DLEC1: variants seen among roughly 807,000 people sequenced by gnomAD.
DLEC1 encodes deleted in lung and esophageal cancer protein 1.
A neutral mutation model predicts 198.1 loss-of-function variants in DLEC1; 146 were observed. That is an observed-to-expected ratio of 0.74 (90% CI 0.64 to 0.85). DLEC1 has a LOEUF of 0.85. Among genes scored for constraint, DLEC1 ranks in the 40% least tolerant of loss-of-function variants. The probability of loss-of-function intolerance (pLI) is 0.00; values close to 1 mark genes in which losing one functional copy is unlikely to be tolerated. For missense variants in DLEC1, 2,233 were observed against 2,220.0 expected (o/e 1.01, Z -0.12); for synonymous variants, 897 against 866.8 (o/e 1.03, Z -0.61).
In DLEC1 at chr3:38,039,292, A is replaced by G; in HGVS notation, c.67A>G (p.Met23Val). ...ASRTNECQGT[M>V]WAPTSPPAGS... ...CCGGACCAACGAGTGCCAGGGGACA[A>G]TGTGGGCGCCAACTTCGCCACCAGC... The change falls in exon 1 of 37, where the codon ATG becomes GTG. Residue 23 changes from methionine (M) to valine (V), a missense_variant. Met to Val is a conservative substitution (Grantham distance 21). Coordinates refer to ENST00000308059, the MANE Select transcript of DLEC1 (RefSeq NM_007335.4). The G allele has an allele frequency of 6.2e-7, 1 of 1,614,178 alleles. No homozygotes were observed. The highest frequency in any genetic ancestry group is 8.5e-7 in the Non-Finnish European group (1 of 1,180,016).
chr3:38,062,679 C>G lies in DLEC1; in HGVS notation c.972C>G (p.Asn324Lys). Residue 324 changes from asparagine to lysine, a missense_variant, in exon 5 of 37, where the codon AAC becomes AAG. Asn to Lys is a moderately conservative substitution (Grantham distance 94, BLOSUM62 0). Transcript: ENST00000308059. ...TGCTTGCCAGAATGGAGAGTCGGAA[C>G]CACTTCCTAAAAAATCCCCGTTTTT... ...RLLLARMESR[N>K]HFLKNPRFFP... 1 of 1,614,086 alleles carries G rather than the reference C, an allele frequency of 6.2e-7. No individual in the cohort carries two copies. Among genetic ancestry groups the G allele is most frequent in the Non-Finnish European group, 8.5e-7 (1 of 1,180,022 alleles).
intron 2 of DLEC1, among the ~76,000 whole-genome samples, chr3:38,053,671 A>G (rs2125593518): frequency 1.4e-5 from 2 of 145,162 alleles, no homozygotes; most frequent in African/African-American, 2.6e-5. Context: ...CCCTCTGCCC[A>G]GCGGCCACCC....
chr3:38,080,594 G>C (rs1263026896), intron 6 of DLEC1, among the ~76,000 whole-genome samples: 1 of 152,120 alleles, frequency 6.6e-6, no homozygotes, highest in East Asian at 1.9e-4. Context: ...AACTACTGTC[G>C]AGTTTGTATT....
At chr3:38,051,724 T>G (rs1701128347) in intron 2 of DLEC1, 1 of 191,886 alleles carries the variant, frequency 5.2e-6, no homozygotes, top group Non-Finnish European at 1.2e-5. Flanking sequence ...TGAACCAGGG[T>G]TTGGCTATTA....
intron 6 of DLEC1, among the ~76,000 whole-genome samples, chr3:38,077,538 G>C (rs997680269): frequency 6.6e-6 from 1 of 152,198 alleles, no homozygotes; most frequent in Admixed American, 6.5e-5. Context: ...GAAGACAGAG[G>C]ACCGTAAGGG....
In DLEC1 at chr3:38,116,844, G is replaced by C. The variant is rs369061348; in HGVS notation, c.4134G>C (p.Glu1378Asp). 172 of 1,613,710 alleles carry C rather than the reference G, an allele frequency of 1.1e-4. No individual in the cohort carries two copies. The highest frequency in any genetic ancestry group is 1.3e-4 in the Non-Finnish European group (157 of 1,179,836). The change falls in exon 29 of 37, where the codon GAG becomes GAC. Residue 1378 changes from glutamate to aspartate, a missense_variant. Transcript: ENST00000308059. ...TCTCAGTCATCCTGCAGGCACATGAGGGGGTGCCCTCCGGCCACCTGTACT... is the reference window on the plus strand; with the variant it reads ...TCTCAGTCATCCTGCAGGCACATGACGGGGTGCCCTCCGGCCACCTGTACT... ...KLISVILQAH[E>D]GVPSGHLYCI...
At chr3:38,113,848 T>C (rs903685019) in intron 25 of DLEC1, among the ~76,000 whole-genome samples, 27 of 152,180 alleles carry the variant, frequency 1.8e-4, no homozygotes, top group Admixed American at 1.8e-3. Context: ...AGAGGTAGGA[T>C]TGGAGGTGAT....
At chr3:38,085,843 C>T (rs776335512) in intron 8 of DLEC1, among the ~76,000 whole-genome samples, 1 of 152,160 alleles carries the variant, frequency 6.6e-6, no homozygotes, top group Non-Finnish European at 1.5e-5. Context: ...GAGTCCTTAG[C>T]AAAGCTGGCT....
chr3:38,065,399 G>A (rs867591624), intron 6 of DLEC1, among the ~76,000 whole-genome samples: 15 of 149,904 alleles, frequency 1.0e-4, no homozygotes, highest in Non-Finnish European at 1.8e-4. Context: ...AGGAGAGGAA[G>A]ACCGTGCAGA....
At chr3:38,052,903 C>A (rs1014247481) in intron 2 of DLEC1, among the ~76,000 whole-genome samples, 2 of 152,238 alleles carry the variant, frequency 1.3e-5, no homozygotes, top group African/African-American at 2.4e-5. Context: ...GATTCTCCTG[C>A]CTCAGCCTGC....
At chr3:38,084,320 GGTGGTAGTAATGGTAGCAATGATA>G in intron 7 of DLEC1, 75 bp downstream of exon 7, 1 of 1,349,394 alleles carries the variant, frequency 7.4e-7, no homozygotes, top group Non-Finnish European at 1.0e-6. Flanking sequence ...TAGTAGTAGT[GGTGGTAGTAATGGTAGCAATGATA>G]GTAGTAGTGG....
At position 38,093,655 on chromosome 3, in the gene DLEC1, AG is replaced by A. The variant is rs774551455; in HGVS notation, c.1808del (p.Ser603ThrfsTer11). ...LDLIYISGEK[S>X]QPDPGELTDL... ...TCTGATCTATATTTCTGGTGAAAAA[AG>A]CCAGCCAGACCCTGGAGAGCTCACA... On this transcript the variant is annotated frameshift_variant, in exon 12 of 37. Coordinates refer to ENST00000308059, the MANE Select transcript of DLEC1 (RefSeq NM_007335.4). LOFTEE classifies it high-confidence loss of function. 6.2e-7 allele frequency: 1 copy of A among 1,614,218 alleles called. No homozygotes were observed. Among genetic ancestry groups the A allele is most frequent in the African/African-American group, 1.3e-5 (1 of 75,040 alleles).
chr3:38,055,260 G>A (rs1696296560), intron 2 of DLEC1, among the ~76,000 whole-genome samples: 1 of 152,214 alleles, frequency 6.6e-6, no homozygotes, highest in Non-Finnish European at 1.5e-5. Context: ...GGAATTTTCT[G>A]TAAGTTATGA....
intron 6 of DLEC1, among the ~76,000 whole-genome samples, chr3:38,081,972 G>A (rs754097259): frequency 0.028 from 3,723 of 134,234 alleles, 41 homozygotes; most frequent in Non-Finnish European, 0.039. Flanking sequence ...GGTGGCTGCC[G>A]GGCGGAGAGG....
chr3:38,074,649 G>A (rs1395116438), intron 6 of DLEC1, among the ~76,000 whole-genome samples: 3 of 152,222 alleles, frequency 2.0e-5, no homozygotes, highest in African/African-American at 7.2e-5. Context: ...TCCTCTTGGG[G>A]AACTGCTCTA....
At chr3:38,078,183 G>A (rs1283646838) in intron 6 of DLEC1, among the ~76,000 whole-genome samples, 2 of 152,212 alleles carry the variant, frequency 1.3e-5, no homozygotes, top group African/African-American at 4.8e-5. Flanking sequence ...AGGAACAATG[G>A]TAACTGTGGG....
At chr3:38,088,179 A>G in intron 9 of DLEC1, 117 bp from the exon 10 acceptor site, 2 of 862,828 alleles carry the variant, frequency 2.3e-6, no homozygotes, top group South Asian at 1.6e-5. Flanking sequence ...ATGTGACTGG[A>G]TGATCCTTAA....
rs1700260653 is a variant in DLEC1 at position 38,117,787 on chromosome 3, T to C, written c.4486-19T>C. 2 of 1,480,106 alleles carry C rather than the reference T, an allele frequency of 1.4e-6. No individual in the cohort carries two copies. The highest frequency in any genetic ancestry group is 1.8e-6 in the Non-Finnish European group (2 of 1,094,338). 91.7% of individuals were successfully genotyped at this position (1,480,106 alleles called of 1,614,324 possible). A position where few individuals can be genotyped will look rare whatever the true frequency, so the allele number is the denominator to read the frequency against. On this transcript the variant is annotated intron_variant, in intron 32 of 36. Transcript: ENST00000308059. Reference sequence around the variant, plus strand: ...GAGACAAGATGCATTCCCTGCCTCCTACCTCTGTGGCTGCCCAGGTGCTGA... The same window carrying C: ...GAGACAAGATGCATTCCCTGCCTCCCACCTCTGTGGCTGCCCAGGTGCTGA...
chr3:38,053,476 G>A (rs1701241595), intron 2 of DLEC1, among the ~76,000 whole-genome samples: 1 of 141,898 alleles, frequency 7.0e-6, no homozygotes, highest in African/African-American at 2.7e-5. Context: ...TCTCTGCCCA[G>A]CCGCCCTGTC....
Sources: allele counts gnomAD v4.1 joint callset (sites outside exome capture counted in the v4.1 genomes callset), GRCh38; gene constraint gnomAD v4.1.1; transcripts MANE v1.5; gene names NCBI Gene and HGNC (gene_info 2026-07-23, HGNC 2026-07-21).